STAG1: variants seen among roughly 807,000 people sequenced by gnomAD.
The protein encoded by STAG1 is cohesin subunit SA-1.
A neutral mutation model predicts 170.9 loss-of-function variants in STAG1; 26 were observed. That is an observed-to-expected ratio of 0.15 (90% CI 0.11 to 0.21). The LOEUF is 0.21. STAG1 is among the 10% of genes least tolerant of loss of function. STAG1 has a pLI of 1.00. For synonymous variants in STAG1, 514 were observed against 497.7 expected, an observed-to-expected ratio of 1.03 and a Z score of -0.44; for missense variants, 964 against 1,509.5, an observed-to-expected ratio of 0.64 and a Z score of 5.99.
At chr3:136,477,268 G>A (rs377191841) in intron 10 of STAG1, 21 bp downstream of exon 10, 1 of 1,601,480 alleles carries the variant, frequency 6.2e-7, no homozygotes, top group Non-Finnish European at 8.5e-7. Context: ...TTCCATCAAA[G>A]CTTAGAACAG....
chr3:136,433,974 C>A (rs2088383384), intron 15 of STAG1, among the ~76,000 whole-genome samples: 1 of 151,786 alleles, frequency 6.6e-6, no homozygotes, highest in Admixed American at 6.6e-5. Flanking sequence ...CCTAATTTTT[C>A]TTTTTTAATG....
intron 5 of STAG1, among the ~76,000 whole-genome samples, chr3:136,561,592 A>G (rs1046927116): frequency 6.6e-6 from 1 of 152,204 alleles, no homozygotes; most frequent in African/African-American, 2.4e-5. Context: ...ATTGCTTATA[A>G]TAGTTTTGCA....
At chr3:136,423,483 G>C (rs184494980) in intron 16 of STAG1, among the ~76,000 whole-genome samples, 290 of 152,108 alleles carry the variant, frequency 1.9e-3, no homozygotes, top group Non-Finnish European at 2.4e-3. Context: ...AATATCTCTG[G>C]ATTCATTTAC....
At chr3:136,589,490 C>T (rs1472162128) in intron 4 of STAG1, among the ~76,000 whole-genome samples, 10 of 150,496 alleles carry the variant, frequency 6.6e-5, no homozygotes, top group Non-Finnish European at 1.3e-4. Flanking sequence ...GGTGACAGAG[C>T]GAGACTCTGT....
chr3:136,496,366 A>T (rs906656275), intron 9 of STAG1, among the ~76,000 whole-genome samples: 2 of 152,176 alleles, frequency 1.3e-5, no homozygotes, highest in African/African-American at 4.8e-5. Flanking sequence ...AGGTATCTAT[A>T]GGTATCTATT....
intron 1 of STAG1, among the ~76,000 whole-genome samples, chr3:136,658,543 T>A (rs1177594565): frequency 6.7e-6 from 1 of 149,904 alleles, no homozygotes. Context: ...AGTACCATAA[T>A]CAATAATTTT....
intron 3 of STAG1, among the ~76,000 whole-genome samples, chr3:136,611,664 T>TA (rs1450970418): frequency 1.5e-5 from 2 of 132,644 alleles, no homozygotes; most frequent in Admixed American, 7.5e-5. Context: ...CCAGCTTTTT[T>TA]TTTTTTTTTT....
intron 4 of STAG1, among the ~76,000 whole-genome samples, chr3:136,584,104 T>C (rs986793920): frequency 6.6e-6 from 1 of 152,380 alleles, no homozygotes; most frequent in Non-Finnish European, 1.5e-5. Context: ...CCATGTAATC[T>C]GTATCACCAA....
At chr3:136,407,425 T>C (rs778252654) in intron 21 of STAG1, among the ~76,000 whole-genome samples, 1 of 152,252 alleles carries the variant, frequency 6.6e-6, no homozygotes, top group Non-Finnish European at 1.5e-5. Context: ...CTGTAAATAA[T>C]ACATTTCATA....
chr3:136,678,014 A>C (rs1942193119), intron 1 of STAG1, among the ~76,000 whole-genome samples: 1 of 149,000 alleles, frequency 6.7e-6, no homozygotes. Flanking sequence ...CTTCTGAAGA[A>C]ATTTAGTAAA....
intron 29 of STAG1, chr3:136,348,696 C>T (rs527796814): frequency 1.3e-5 from 2 of 157,652 alleles, no homozygotes; most frequent in Admixed American, 1.3e-4. Flanking sequence ...ATGTGAGCCA[C>T]CACACCTGGA....
At chr3:136,422,373 A>G in intron 19 of STAG1, 37 bp downstream of exon 19, 1 of 1,565,602 alleles carries the variant, frequency 6.4e-7, no homozygotes, top group Non-Finnish European at 8.8e-7. Context: ...ATTCTCAGTC[A>G]ATATTATTAT....
chr3:136,425,333 G>C (rs189273445), intron 16 of STAG1, among the ~76,000 whole-genome samples: 96 of 152,238 alleles, frequency 6.3e-4, no homozygotes, highest in Non-Finnish European at 1.1e-3. Context: ...ATAAAGTATA[G>C]TATCTTTGGT....
chr3:136,392,391 T>C (rs1044503005), intron 22 of STAG1, among the ~76,000 whole-genome samples: 4 of 152,074 alleles, frequency 2.6e-5, no homozygotes, highest in South Asian at 2.1e-4. Flanking sequence ...GAAGAAAATA[T>C]GTTAATTGAA....
intron 1 of STAG1, among the ~76,000 whole-genome samples, chr3:136,646,966 T>C (rs961030975): frequency 3.3e-5 from 5 of 152,074 alleles, no homozygotes; most frequent in Admixed American, 3.3e-4. Flanking sequence ...AAATATTGAA[T>C]GTTCCCAACA....
At chr3:136,656,306 T>C (rs953775596) in intron 1 of STAG1, among the ~76,000 whole-genome samples, 75 of 152,278 alleles carry the variant, frequency 4.9e-4, no homozygotes, top group Non-Finnish European at 3.2e-4. Flanking sequence ...TTAACGGGTA[T>C]AGAGTTTCCA....
chr3:136,400,971 T>C (rs1457569052), intron 21 of STAG1, among the ~76,000 whole-genome samples: 1 of 152,218 alleles, frequency 6.6e-6, no homozygotes, highest in Non-Finnish European at 1.5e-5. Context: ...AATACATTGT[T>C]TTCATTGAAA....
chr3:136,657,751 G>C (rs549963974), intron 1 of STAG1, among the ~76,000 whole-genome samples: 1 of 152,146 alleles, frequency 6.6e-6, no homozygotes, highest in African/African-American at 2.4e-5. Flanking sequence ...GAGCCTGGAA[G>C]GCACAGGTTG....
At chr3:136,354,567 G>A (rs1312690907) in intron 28 of STAG1, among the ~76,000 whole-genome samples, 1 of 151,784 alleles carries the variant, frequency 6.6e-6, no homozygotes, top group African/African-American at 2.4e-5. Context: ...CTCCCAAAGT[G>A]CTGGGATTAC....
Sources: gnomAD v4.1 joint callset for allele counts (sites outside exome capture counted in the v4.1 genomes callset) on GRCh38, gnomAD v4.1.1 for gene constraint, MANE v1.5 for transcripts, NCBI Gene and HGNC (gene_info 2026-07-23, HGNC 2026-07-21) for gene names.